Variants in ITGB6 observed in about 807,000 individuals in gnomAD.
The protein encoded by ITGB6 is integrin beta-6.
A neutral mutation model predicts 84.5 loss-of-function variants in ITGB6; 80 were observed. The observed-to-expected ratio is 0.95, with a 90% confidence interval of 0.79 to 1.14. The LOEUF is 1.14. Among genes scored for constraint, ITGB6 ranks in the 50% most tolerant of loss-of-function variants. ITGB6 has a pLI of 0.00. For missense variants in ITGB6, 1,006 were observed against 968.0 expected (o/e 1.04, Z -0.52); for synonymous variants, 383 against 354.9 (o/e 1.08, Z -0.89).
Position 160,100,892 on chromosome 2 carries a change from T to C in ITGB6, c.*844A>G, listed in dbSNP as rs116493864. ...CTAAGCATTTAAAGTAATTTTTTTT[T>C]AAAAAGAAACTTTGGTATGACAATT... On this transcript the variant is annotated 3_prime_UTR_variant, in exon 15 of 15. Coordinates refer to ENST00000283249, the MANE Select transcript of ITGB6 (RefSeq NM_000888.5). 2 of 152,140 alleles carry C rather than the reference T, an allele frequency of 1.3e-5. No homozygotes were observed. Among genetic ancestry groups the C allele is most frequent in the Non-Finnish European group, 2.9e-5 (2 of 68,010 alleles). 9.4% of individuals were successfully genotyped at this position (152,140 alleles called of 1,614,324 possible).
At chr2:160,121,697 G>A (rs934837426) in intron 12 of ITGB6, among the ~76,000 whole-genome samples, 1 of 151,564 alleles carries the variant, frequency 6.6e-6, no homozygotes, top group Non-Finnish European at 1.5e-5. Context: ...GAGCCTGGAA[G>A]GTCTAGAATG....
chr2:160,126,247 T>C (rs961024052), intron 11 of ITGB6, 132 bp downstream of exon 11: 12 of 741,812 alleles, frequency 1.6e-5, no homozygotes, highest in Non-Finnish European at 1.4e-5. Flanking sequence ...TGTGGGTTTG[T>C]GTGTGTTTTG....
rs1337026770 is a variant in ITGB6 at position 160,195,523 on chromosome 2, C to T, written c.439G>A (p.Asp147Asn). The change falls in exon 4 of 15, where the codon GAC (aspartate) becomes AAC (asparagine). Residue 147 changes from aspartate to asparagine, a missense_variant. Asp to Asn is a conservative substitution (Grantham distance 23). Coordinates refer to ENST00000283249, the MANE Select transcript of ITGB6 (RefSeq NM_000888.5). ...YLMDLSASMD[D>N]DLNTIKELGS... ...AGCTCCTTTATTGTGTTGAGGTCGT[C>T]ATCCATGGAGGCGGAGAGGTCCATG... 6.2e-7 allele frequency: 1 copy of T among 1,614,156 alleles called. No homozygotes were observed. The highest frequency in any genetic ancestry group is 8.5e-7 in the Non-Finnish European group (1 of 1,180,014).
intron 7 of ITGB6, among the ~76,000 whole-genome samples, chr2:160,167,543 C>G (rs1295286688): frequency 6.6e-6 from 1 of 152,158 alleles, no homozygotes; most frequent in East Asian, 1.9e-4. Flanking sequence ...AAATTCGCCT[C>G]ATAATAAGAT....
intron 7 of ITGB6, among the ~76,000 whole-genome samples, chr2:160,160,291 G>A (rs1468713799): frequency 1.3e-5 from 2 of 152,166 alleles, no homozygotes; most frequent in East Asian, 3.8e-4. Context: ...TAGTGTACAT[G>A]TGGTCCAAAT....
intron 4 of ITGB6, among the ~76,000 whole-genome samples, chr2:160,175,989 G>A (rs1685404966): frequency 6.6e-6 from 1 of 152,118 alleles, no homozygotes; most frequent in African/African-American, 2.4e-5. Flanking sequence ...CACTGAGTAA[G>A]GATGCTCTCA....
chr2:160,107,540 G>T, intron 14 of ITGB6, 139 bp downstream of exon 14: 1 of 725,566 alleles, frequency 1.4e-6, no homozygotes, highest in Non-Finnish European at 2.3e-6. Flanking sequence ...AGAAATCAAA[G>T]CTGTTGGAGT....
At chr2:160,181,140 C>A (rs1054024800) in intron 4 of ITGB6, among the ~76,000 whole-genome samples, 20 of 152,082 alleles carry the variant, frequency 1.3e-4, no homozygotes, top group African/African-American at 4.6e-4. Context: ...CGAGACAGAA[C>A]CGTTCACTCC....
At chr2:160,103,753 G>T (rs1239055752) in intron 14 of ITGB6, among the ~76,000 whole-genome samples, 1 of 152,128 alleles carries the variant, frequency 6.6e-6, no homozygotes, top group Non-Finnish European at 1.5e-5. Flanking sequence ...CAATGACAGG[G>T]TAAGCCTGTC....
chr2:160,101,687 T>G lies in ITGB6; in HGVS notation c.*49A>C. The G allele has an allele frequency of 9.5e-7, 1 of 1,053,106 alleles. No individual in the cohort carries two copies. Among genetic ancestry groups the G allele is most frequent in the Non-Finnish European group, 1.5e-6 (1 of 673,418 alleles). 65.2% of individuals were successfully genotyped at this position (1,053,106 alleles called of 1,614,324 possible). A position where few individuals can be genotyped will look rare whatever the true frequency, so the allele number is the denominator to read the frequency against. ...AAAGAGAAAAAAATTAAATAGTGCA[T>G]TAACATTTCATATCAGTGAAACAGA... On this transcript the variant is annotated 3_prime_UTR_variant, in exon 15 of 15. Transcript: ENST00000283249.
intron 12 of ITGB6, among the ~76,000 whole-genome samples, chr2:160,123,524 A>G (rs889340037): frequency 6.6e-6 from 1 of 152,146 alleles, no homozygotes; most frequent in Non-Finnish European, 1.5e-5. Context: ...GGAATTCTCT[A>G]CAGTTGAATT....
intron 12 of ITGB6, among the ~76,000 whole-genome samples, chr2:160,121,224 G>A (rs1683024375): frequency 6.6e-6 from 1 of 152,106 alleles, no homozygotes; most frequent in South Asian, 2.1e-4. Flanking sequence ...GAAAAAGTAA[G>A]GGGTTTATGG....
intron 4 of ITGB6, among the ~76,000 whole-genome samples, chr2:160,187,819 T>A (rs1242273757): frequency 1.3e-5 from 2 of 152,210 alleles, no homozygotes; most frequent in Non-Finnish European, 2.9e-5. Flanking sequence ...GTTTCTGTTT[T>A]ACTTTCTAGT....
At chr2:160,167,904 G>T (rs1176197469) in intron 7 of ITGB6, among the ~76,000 whole-genome samples, 1 of 152,118 alleles carries the variant, frequency 6.6e-6, no homozygotes, top group Non-Finnish European at 1.5e-5. Context: ...TGTGGAGAAG[G>T]TGTTGTGACC....
At chr2:160,172,538 C>A in intron 6 of ITGB6, 31 bp downstream of exon 6, 1 of 1,546,882 alleles carries the variant, frequency 6.5e-7, no homozygotes, top group Non-Finnish European at 8.9e-7. Context: ...ACTTATAGCC[C>A]TGAAAACAGT....
At position 160,200,178 on chromosome 2, in the gene ITGB6, C is replaced by G; in HGVS notation, c.-115G>C. On this transcript the variant is annotated 5_prime_UTR_variant, in exon 1 of 15. Transcript: ENST00000283249. ...TTCTTGAAGTATAACATTTTAAATACTACTTACACTGCTTTGAAAAGAAAC... is the reference window on the plus strand; with the variant it reads ...TTCTTGAAGTATAACATTTTAAATAGTACTTACACTGCTTTGAAAAGAAAC... 1 of 750,034 alleles carries G rather than the reference C, an allele frequency of 1.3e-6. No individual in the cohort carries two copies. Among genetic ancestry groups the G allele is most frequent in the Non-Finnish European group, 2.2e-6 (1 of 451,730 alleles). 46.5% of individuals were successfully genotyped at this position (750,034 alleles called of 1,614,324 possible). A position where few individuals can be genotyped will look rare whatever the true frequency, so the allele number is the denominator to read the frequency against.
intron 10 of ITGB6, among the ~76,000 whole-genome samples, chr2:160,136,112 C>A (rs1337390947): frequency 2.0e-5 from 3 of 152,186 alleles, no homozygotes; most frequent in Non-Finnish European, 4.4e-5. Context: ...TCAGAGTGAA[C>A]AGGCAACCTA....
chr2:160,147,720 T>A (rs1446494624), intron 7 of ITGB6, among the ~76,000 whole-genome samples: 1 of 152,064 alleles, frequency 6.6e-6, no homozygotes, highest in African/African-American at 2.4e-5. Flanking sequence ...GGCAACACAA[T>A]GGAGCAAGGG....
intron 10 of ITGB6, among the ~76,000 whole-genome samples, chr2:160,134,035 G>A (rs1683591594): frequency 6.6e-6 from 1 of 152,096 alleles, no homozygotes; most frequent in Non-Finnish European, 1.5e-5. Flanking sequence ...ACTAGCAGAA[G>A]GCAAGAAATA....
Sources: gnomAD v4.1 joint callset for allele counts (sites outside exome capture counted in the v4.1 genomes callset) on GRCh38, gnomAD v4.1.1 for gene constraint, MANE v1.5 for transcripts, NCBI Gene and HGNC (gene_info 2026-07-23, HGNC 2026-07-21) for gene names.